HEPACAM: variants seen among roughly 807,000 people sequenced by gnomAD.
HEPACAM encodes hepatocyte cell adhesion molecule.
Under a neutral mutation model 38.3 loss-of-function variants are expected in HEPACAM, and 18 were observed. That is an observed-to-expected ratio of 0.47 (90% confidence interval 0.33 to 0.70). The LOEUF is 0.70. Ranked by LOEUF, HEPACAM falls within the 30% of genes least tolerant of loss-of-function variation. The pLI, the probability that HEPACAM is intolerant of heterozygous loss-of-function variation, is 0.03. For missense variants in HEPACAM, 466 were observed against 563.0 expected (o/e 0.83, Z 1.74); for synonymous variants, 216 against 243.1 (o/e 0.89, Z 1.04).
At position 124,923,394 on chromosome 11, in the gene HEPACAM, A is replaced by G. The variant is rs1333570367; in HGVS notation, c.749T>C (p.Ile250Thr). 1 of 1,613,474 alleles carries G rather than the reference A, an allele frequency of 6.2e-7. No individual in the cohort carries two copies. Among genetic ancestry groups the G allele is most frequent in the East Asian group, 2.2e-5 (1 of 44,892 alleles). The change falls in exon 4 of 7, where the codon ATC becomes ACC. Residue 250 changes from isoleucine to threonine, a missense_variant. Transcript: ENST00000298251. ...TGTCACCAAGGTCACAAGGAGGAAG[A>G]TGCCTCCTGTAGACAAGATGATGTA... ...SLYIILSTGGIFLLVTLVTVC... is the reference protein window; with the variant it reads ...SLYIILSTGGTFLLVTLVTVC...
intron 1 of HEPACAM, among the ~76,000 whole-genome samples, chr11:124,933,091 C>T (rs1270370844): frequency 6.6e-6 from 1 of 152,206 alleles, no homozygotes; most frequent in Non-Finnish European, 1.5e-5. Flanking sequence ...ACTCTTTAGT[C>T]CACAGCAGTA....
Position 124,919,421 on chromosome 11 carries a change from G to A in HEPACAM, c.*1717C>T. ...TAAGCCTGGCAAGCTGGCCCCTCAG[G>A]GATTCAGCACCAGGGTATGGCATGT... On this transcript the variant is annotated 3_prime_UTR_variant, in exon 7 of 7. Transcript: ENST00000298251. 1 of 288,764 alleles carries A rather than the reference G, an allele frequency of 3.5e-6. No individual in the cohort carries two copies. 17.9% of individuals were successfully genotyped at this position (288,764 alleles called of 1,614,324 possible).
intron 1 of HEPACAM, among the ~76,000 whole-genome samples, chr11:124,925,842 T>G (rs1056951773): frequency 7.9e-5 from 12 of 152,234 alleles, no homozygotes; most frequent in African/African-American, 2.7e-4. Context: ...TTTTTCATGC[T>G]GGGCTCTACC....
At position 124,920,296 on chromosome 11, in the gene HEPACAM, G is replaced by T; in HGVS notation, c.*842C>A. 1 of 1,155,170 alleles carries T rather than the reference G, an allele frequency of 8.7e-7. No individual in the cohort carries two copies. The highest frequency in any genetic ancestry group is 1.2e-6 in the Non-Finnish European group (1 of 815,660). The allele number at this position is 1,155,170 out of a possible 1,614,324, so 71.6% of individuals were successfully genotyped here. On this transcript the variant is annotated 3_prime_UTR_variant, in exon 7 of 7. Transcript: ENST00000298251. ...GATGAGCTAAAACAGTTCCTCATTT[G>T]GTCTAGTTTTCGGGCCAGGGGAGTA...
In HEPACAM at chr11:124,924,750, C is replaced by T; in HGVS notation, c.405G>A (p.Lys135=). 1 of 1,614,108 alleles carries T rather than the reference C, an allele frequency of 6.2e-7. No homozygotes were observed. The highest frequency in any genetic ancestry group is 8.5e-7 in the Non-Finnish European group (1 of 1,179,984). ...SITDDTFTGE[K]TINLTVDVPI... ...TACCATCTACAGTAAGGTTGATGGTCTTCTCCCCAGTGAAGGTGTCGTCGG... is the reference window on the plus strand; with the variant it reads ...TACCATCTACAGTAAGGTTGATGGTTTTCTCCCCAGTGAAGGTGTCGTCGG... The change falls in exon 2 of 7, where the codon AAG becomes AAA. Residue 135 remains lysine (K), a synonymous_variant. Transcript: ENST00000298251. The surrounding 1 kb of genome is among the most constrained non-coding windows in gnomAD (Gnocchi z 4.4).
In HEPACAM at chr11:124,924,424, C is replaced by T. The variant is rs574586113; in HGVS notation, c.427+304G>A. Among the ~76,000 whole-genome samples, 1 of 152,302 alleles carries T rather than the reference C, an allele frequency of 6.6e-6. No individual in the cohort carries two copies. The highest frequency in any genetic ancestry group is 2.1e-4 in the South Asian group (1 of 4,828). The stretch of plus-strand genomic sequence containing the variant: ...TGTGACCTTGGGCAAGTTATTCAAC[C>T]TTTCAGTGGCTCACTTTCCTCATCT... On this transcript the variant is annotated intron_variant, in intron 2 of 6. Transcript: ENST00000298251. This position sits in a 1 kb window ranked among gnomAD's most constrained non-coding sequence, Gnocchi z 4.4.
chr11:124,928,924 T>C (rs1947250947), intron 1 of HEPACAM, among the ~76,000 whole-genome samples: 1 of 152,184 alleles, frequency 6.6e-6, no homozygotes. Flanking sequence ...ATCCTCAACT[T>C]TGGCAAAATA....
chr11:124,919,407 A>C lies in HEPACAM; in HGVS notation c.*1731T>G. 1 of 272,442 alleles carries C rather than the reference A, an allele frequency of 3.7e-6. No individual in the cohort carries two copies. The highest frequency in any genetic ancestry group is 7.8e-5 in the East Asian group (1 of 12,836). 16.9% of individuals were successfully genotyped at this position (272,442 alleles called of 1,614,324 possible). ...AGGCAGATTTGGCTTAAGCCTGGCAAGCTGGCCCCTCAGGGATTCAGCACC... is the reference window on the plus strand; with the variant it reads ...AGGCAGATTTGGCTTAAGCCTGGCACGCTGGCCCCTCAGGGATTCAGCACC... On this transcript the variant is annotated 3_prime_UTR_variant, in exon 7 of 7. Coordinates refer to ENST00000298251, the MANE Select transcript of HEPACAM (RefSeq NM_152722.5).
In HEPACAM at chr11:124,923,966, G is replaced by A. The variant is rs781748998; in HGVS notation, c.472C>T (p.Leu158=). ...PQVLVASTTV[L]ELSEAFTLNC... is the part of the protein sequence containing the mutation. ...AAGGTGAAGGCCTCGCTGAGCTCCA[G>A]CACAGTGGTTGAAGCCACCAACACC... Residue 158 remains leucine, a synonymous_variant, in exon 3 of 7, where the codon CTG becomes TTG. Transcript: ENST00000298251. 2.2e-5 allele frequency: 36 copies of A among 1,611,524 alleles called. No individual in the cohort carries two copies. Among genetic ancestry groups the A allele is most frequent in the Middle Eastern group, 1.6e-4 (1 of 6,062 alleles).
chr11:124,923,782 A>G lies in HEPACAM; in HGVS notation c.656T>C (p.Val219Ala). The change falls in exon 3 of 7, where the codon GTG becomes GCG. Residue 219 changes from valine (V) to alanine (A), a missense_variant. Transcript: ENST00000298251. ...GCGGCCCTGGCTGATGGGGTTCTCC[A>G]CCATGCAGCTGTACAGGTCGTCATC... ...MEDDDLYSCM[V>A]ENPISQGRSL... The G allele has an allele frequency of 6.2e-7, 1 of 1,614,186 alleles. No homozygotes were observed. The highest frequency in any genetic ancestry group is 8.5e-7 in the Non-Finnish European group (1 of 1,180,024).
At chr11:124,928,088 T>A (rs1209678147) in intron 1 of HEPACAM, among the ~76,000 whole-genome samples, 1 of 152,070 alleles carries the variant, frequency 6.6e-6, no homozygotes, top group Non-Finnish European at 1.5e-5. Context: ...TAAATAAAAA[T>A]GGAAAAAGGC....
Position 124,921,479 on chromosome 11 carries a change from G to A in HEPACAM, c.949-39C>T. 2 of 1,215,868 alleles carry A rather than the reference G, an allele frequency of 1.6e-6. No individual in the cohort carries two copies. Among genetic ancestry groups the A allele is most frequent in the South Asian group, 3.9e-5 (1 of 25,890 alleles). 75.3% of individuals were successfully genotyped at this position (1,215,868 alleles called of 1,614,324 possible). On this transcript the variant is annotated intron_variant, in intron 6 of 6. Transcript: ENST00000298251. This position sits in a 1 kb window ranked among gnomAD's most constrained non-coding sequence, Gnocchi z 4.6. ...CGCCGCAGGGGTCAGGGGACAGTCA[G>A]CCCAGCCTGGGAGCGCGCCTGGTGT...
chr11:124,929,340 C>T (rs1444696456), intron 1 of HEPACAM, among the ~76,000 whole-genome samples: 2 of 152,150 alleles, frequency 1.3e-5, no homozygotes, highest in African/African-American at 2.4e-5. Flanking sequence ...ATGTATCACA[C>T]GTGTTCATAA....
chr11:124,921,042 G>T lies in HEPACAM; in HGVS notation c.*96C>A. 7.1e-7 allele frequency: 1 copy of T among 1,409,092 alleles called. No homozygotes were observed. Among genetic ancestry groups the T allele is most frequent in the Non-Finnish European group, 9.2e-7 (1 of 1,081,944 alleles). 87.3% of individuals were successfully genotyped at this position (1,409,092 alleles called of 1,614,324 possible). On this transcript the variant is annotated 3_prime_UTR_variant, in exon 7 of 7. Transcript: ENST00000298251. The surrounding 1 kb of genome is among the most constrained non-coding windows in gnomAD (Gnocchi z 4.6). ...CAGCGCCCCCCCGGGACCTCCCCTC[G>T]TCCCCAGCGCGCCGCGCCCGGGCTT...
At position 124,923,881 on chromosome 11, in the gene HEPACAM, G is replaced by C. The variant is rs1185056486; in HGVS notation, c.557C>G (p.Pro186Arg). Reference protein sequence around the residue: ...PSYTWLKDGKPLLNDSRMLLS... With the variant: ...PSYTWLKDGKRLLNDSRMLLS... ...GAGCATTCTCGAGTCATTGAGGAGG[G>C]GCTTGCCATCCTTCAGCCAGGTGTA... The change falls in exon 3 of 7, where the codon CCC becomes CGC. Residue 186 changes from proline (P) to arginine (R), a missense_variant. Pro to Arg is a moderately radical substitution (Grantham distance 103). Transcript: ENST00000298251. The C allele has an allele frequency of 6.2e-7, 1 of 1,613,990 alleles. No homozygotes were observed. Among genetic ancestry groups the C allele is most frequent in the Non-Finnish European group, 8.5e-7 (1 of 1,180,022 alleles).
intron 1 of HEPACAM, among the ~76,000 whole-genome samples, chr11:124,930,312 T>C (rs1389634348): frequency 6.6e-6 from 1 of 152,206 alleles, no homozygotes; most frequent in Non-Finnish European, 1.5e-5. Flanking sequence ...TCACTTATTG[T>C]GTGGATGTTG....
In HEPACAM at chr11:124,920,965, C is replaced by A. The variant is rs1173262783; in HGVS notation, c.*173G>T. 1.5e-6 allele frequency: 2 copies of A among 1,365,788 alleles called. No individual in the cohort carries two copies. The highest frequency in any genetic ancestry group is 1.7e-5 in the South Asian group (1 of 58,462). The allele number at this position is 1,365,788 out of a possible 1,614,324, so 84.6% of individuals were successfully genotyped here. On this transcript the variant is annotated 3_prime_UTR_variant, in exon 7 of 7. Coordinates refer to ENST00000298251, the MANE Select transcript of HEPACAM (RefSeq NM_152722.5). The stretch of plus-strand genomic sequence containing the variant: ...TTCACCATATCAACACTGCCGCCTC[C>A]GCGCACCCGCCTCCGTCTGCGCATG...
At chr11:124,930,477 C>T (rs1333719010) in intron 1 of HEPACAM, among the ~76,000 whole-genome samples, 1 of 152,174 alleles carries the variant, frequency 6.6e-6, no homozygotes, top group African/African-American at 2.4e-5. Context: ...AGCTTTTTAT[C>T]TACAATCTAA....
chr11:124,930,967 C>T (rs979785124), intron 1 of HEPACAM, among the ~76,000 whole-genome samples: 1 of 152,112 alleles, frequency 6.6e-6, no homozygotes, highest in African/African-American at 2.4e-5. Flanking sequence ...AAGTGGTAAC[C>T]ATCAAAGAAG....
Sources: allele counts gnomAD v4.1 joint callset (sites outside exome capture counted in the v4.1 genomes callset), GRCh38; gene constraint gnomAD v4.1.1; non-coding constraint Gnocchi (gnomAD v3.1); transcripts MANE v1.5; gene names NCBI Gene and HGNC (gene_info 2026-07-23, HGNC 2026-07-21).